The following GLI3 variants were observed in gnomAD, a reference collection of about 807,000 sequenced individuals.
GLI3 encodes transcription activator GLI3.
GLI3 carries 20 observed loss-of-function variants against 100.8 expected under a neutral mutation model. The observed-to-expected ratio is 0.20, with a 90% CI of 0.14 to 0.29. GLI3 has a LOEUF of 0.29. Ranked by LOEUF, GLI3 falls within the 10% of genes least tolerant of loss-of-function variation. The probability of loss-of-function intolerance (pLI) is 1.00; values close to 1 mark genes in which losing one functional copy is unlikely to be tolerated. For missense variants in GLI3, 2,040 were observed against 2,128.5 expected, an observed-to-expected ratio of 0.96 and a Z score of 0.82; for synonymous variants, 938 against 860.5, an observed-to-expected ratio of 1.09 and a Z score of -1.58.
chr7:42,038,209 C>T (rs1190052116), intron 7 of GLI3, among the ~76,000 whole-genome samples: 1 of 152,186 alleles, frequency 6.6e-6, no homozygotes, highest in Non-Finnish European at 1.5e-5. Flanking sequence ...AGTGCAGGAG[C>T]AGCCAGGCCA....
At chr7:42,024,572 G>T (rs28563959) in intron 9 of GLI3, among the ~76,000 whole-genome samples, 11,272 of 152,208 alleles carry the variant, frequency 0.074, 488 homozygotes, top group Non-Finnish European at 0.096. Context: ...AATCTCTATG[G>T]TGGGGAATTA....
intron 2 of GLI3, among the ~76,000 whole-genome samples, chr7:42,206,748 T>G (rs375870249): frequency 2.0e-5 from 3 of 152,118 alleles, no homozygotes; most frequent in African/African-American, 7.2e-5. Flanking sequence ...AATAGACAGG[T>G]TGATCATACA....
chr7:41,976,911 C>T (rs1346857481), intron 12 of GLI3, among the ~76,000 whole-genome samples: 3 of 152,154 alleles, frequency 2.0e-5, no homozygotes, highest in Non-Finnish European at 2.9e-5. Flanking sequence ...TAGGGGGGAT[C>T]GCTACCTAAA....
intron 2 of GLI3, 78 bp from the exon 3 acceptor site, chr7:42,148,546 A>C: frequency 1.0e-4 from 134 of 1,282,556 alleles, no homozygotes; most frequent in Non-Finnish European, 1.4e-4. Context: ...ATTAGGTCTC[A>C]TTCTCGATAT....
chr7:41,967,079 G>C (rs552127274), intron 14 of GLI3, among the ~76,000 whole-genome samples: 1 of 152,210 alleles, frequency 6.6e-6, no homozygotes, highest in African/African-American at 2.4e-5. Flanking sequence ...CGCTCAGGGC[G>C]TCCTGTTCAT....
intron 2 of GLI3, among the ~76,000 whole-genome samples, chr7:42,179,061 T>A (rs2128680720): frequency 6.6e-6 from 1 of 152,222 alleles, no homozygotes. Flanking sequence ...AATTCCCATG[T>A]GTTGTGGGAG....
chr7:42,015,928 A>G (rs947382948), intron 10 of GLI3, among the ~76,000 whole-genome samples: 6 of 152,150 alleles, frequency 3.9e-5, no homozygotes, highest in African/African-American at 7.2e-5. Flanking sequence ...ACACTACGCG[A>G]CAAGAGGAAA....
intron 2 of GLI3, among the ~76,000 whole-genome samples, chr7:42,198,884 T>G (rs1787982400): frequency 6.6e-6 from 1 of 150,710 alleles, no homozygotes; most frequent in South Asian, 2.1e-4. Flanking sequence ...ATTAATGGTG[T>G]CAAAAACACA....
chr7:41,997,021 T>G (rs1157307999), intron 10 of GLI3, among the ~76,000 whole-genome samples: 2 of 152,232 alleles, frequency 1.3e-5, no homozygotes, highest in Non-Finnish European at 2.9e-5. Context: ...ATTGGGATTT[T>G]TATTTCTTCA....
intron 10 of GLI3, among the ~76,000 whole-genome samples, chr7:42,006,101 G>T (rs1013380628): frequency 1.3e-5 from 2 of 152,108 alleles, no homozygotes; most frequent in African/African-American, 2.4e-5. Context: ...ATGACACAGA[G>T]AACAAATTCT....
chr7:42,189,478 G>A lies in GLI3; in HGVS notation c.124+33652C>T, dbSNP rs116977491. Among the ~76,000 whole-genome samples, 126 of 152,270 alleles carry A rather than the reference G, an allele frequency of 8.3e-4. No homozygotes were observed. The East Asian group carries it at 0.024, about 28-fold the overall frequency. ...ACTAATCATACCCTTATAAAAGCAA[G>A]GAGTCTTTTGTTCTCCATTTTTAAA... On this transcript the variant is annotated intron_variant, in intron 2 of 14. Transcript: ENST00000395925.
intron 3 of GLI3, among the ~76,000 whole-genome samples, chr7:42,125,832 G>A (rs576739310): frequency 6.6e-6 from 1 of 152,184 alleles, no homozygotes; most frequent in Non-Finnish European, 1.5e-5. Context: ...GGAGCTGGGC[G>A]CCAAGATAGG....
intron 10 of GLI3, among the ~76,000 whole-genome samples, chr7:41,990,643 G>C (rs921379670): frequency 2.6e-5 from 4 of 152,170 alleles, no homozygotes; most frequent in Non-Finnish European, 2.9e-5. Context: ...TAGATTTGGA[G>C]AGAGTATTTT....
intron 5 of GLI3, among the ~76,000 whole-genome samples, 183 bp from the exon 6 acceptor site, chr7:42,045,713 A>G (rs1784232303): frequency 6.6e-6 from 1 of 152,256 alleles, no homozygotes; most frequent in South Asian, 2.1e-4. Flanking sequence ...ATTTGAAAAT[A>G]AAACTGAAGG....
Position 41,965,223 on chromosome 7 carries a change from T to C in GLI3, c.3850A>G (p.Thr1284Ala). The C allele has an allele frequency of 6.2e-7, 1 of 1,613,796 alleles. No homozygotes were observed. Among genetic ancestry groups the C allele is most frequent in the Non-Finnish European group, 8.5e-7 (1 of 1,180,006 alleles). Reference protein sequence around the residue: ...AGIQASKLKSTPMQGSGGQLN... With the variant: ...AGIQASKLKSAPMQGSGGQLN... Reference sequence around the variant, plus strand: ...TGGCCCCCGCTCCCTTGCATGGGGGTGCTCTTCAGCTTTGAGGCTTGAATC... The same window carrying C: ...TGGCCCCCGCTCCCTTGCATGGGGGCGCTCTTCAGCTTTGAGGCTTGAATC... The change falls in exon 15 of 15, where the codon ACC becomes GCC. Residue 1284 changes from threonine (T) to alanine (A), a missense_variant. Around this residue, in one of 5 missense-constraint regions of GLI3, gnomAD observed 1,041 missense variants for 924.0 expected, o/e 1.13. Coordinates refer to ENST00000395925, the MANE Select transcript of GLI3 (RefSeq NM_000168.6).
At chr7:42,040,858 G>A (rs1784121369) in intron 6 of GLI3, among the ~76,000 whole-genome samples, 1 of 152,136 alleles carries the variant, frequency 6.6e-6, no homozygotes. Flanking sequence ...GACAACATCT[G>A]AAGACATTCT....
intron 3 of GLI3, among the ~76,000 whole-genome samples, chr7:42,113,893 CTGACTT>C (rs1347451875): frequency 6.6e-6 from 1 of 152,146 alleles, no homozygotes; most frequent in African/African-American, 2.4e-5. Flanking sequence ...GGGGGACTCC[CTGACTT>C]TGATACACAT....
chr7:41,986,180 G>T (rs187377597), intron 10 of GLI3, among the ~76,000 whole-genome samples: 1 of 152,200 alleles, frequency 6.6e-6, no homozygotes, highest in Admixed American at 6.5e-5. Context: ...GAATTAGGAC[G>T]AGATAAAAAA....
chr7:41,965,300 A>G lies in GLI3; in HGVS notation c.3773T>C (p.Leu1258Pro). Residue 1258 changes from leucine to proline, a missense_variant, in exon 15 of 15, where the codon CTC (leucine) becomes CCC (proline). Around this residue, in one of 5 missense-constraint regions of GLI3, gnomAD observed 1,041 missense variants for 924.0 expected, o/e 1.13. Coordinates refer to ENST00000395925, the MANE Select transcript of GLI3 (RefSeq NM_000168.6). ...PCKAPQYGNC[L>P]NRQPVAPGAL... ...ACCAGGGGCCACTGGCTGCCTGTTGAGACAGTTCCCATACTGCGGGGCCTT... is the reference window on the plus strand; with the variant it reads ...ACCAGGGGCCACTGGCTGCCTGTTGGGACAGTTCCCATACTGCGGGGCCTT... 6.2e-7 allele frequency: 1 copy of G among 1,613,880 alleles called. No individual in the cohort carries two copies. The highest frequency in any genetic ancestry group is 2.2e-5 in the East Asian group (1 of 44,866).
Sources: allele counts gnomAD v4.1 joint callset (sites outside exome capture counted in the v4.1 genomes callset), GRCh38; gene constraint gnomAD v4.1.1; regional missense constraint gnomAD v4.1.1; transcripts MANE v1.5; gene names NCBI Gene and HGNC (gene_info 2026-07-23, HGNC 2026-07-21).